Variants in TIAM1 observed in about 807,000 individuals in gnomAD.
TIAM1 encodes the protein TIAM Rac1 associated GEF 1.
Under a neutral mutation model 163.5 loss-of-function variants are expected in TIAM1, and 65 were observed. That is an observed-to-expected ratio of 0.40 (90% CI 0.33 to 0.49). The LOEUF is 0.49. TIAM1 is among the 20% of genes least tolerant of loss of function. The probability of loss-of-function intolerance (pLI) is 0.77; values close to 1 mark genes in which losing one functional copy is unlikely to be tolerated. For missense variants in TIAM1, 1,789 were observed against 2,044.7 expected, an observed-to-expected ratio of 0.87 and a Z score of 2.41; for synonymous variants, 833 against 810.1, an observed-to-expected ratio of 1.03 and a Z score of -0.48.
chr21:31,248,367 C>T (rs1427676358), intron 5 of TIAM1, among the ~76,000 whole-genome samples: 3 of 152,106 alleles, frequency 2.0e-5, no homozygotes, highest in Non-Finnish European at 2.9e-5. Context: ...CAAAGCACCA[C>T]CAAAAGTGAT....
At chr21:31,289,953 T>C (rs969755541) in intron 2 of TIAM1, among the ~76,000 whole-genome samples, 7 of 152,096 alleles carry the variant, frequency 4.6e-5, no homozygotes, top group Non-Finnish European at 1.0e-4. Context: ...TACGAATCAA[T>C]GAGTATACTC....
At chr21:31,158,090 T>A (rs1009868734) in intron 16 of TIAM1, among the ~76,000 whole-genome samples, 6 of 152,216 alleles carry the variant, frequency 3.9e-5, no homozygotes, top group African/African-American at 7.2e-5. Flanking sequence ...ACTTGGTCTA[T>A]GTAAGTTTAC....
At chr21:31,456,368 T>C (rs2045101430) in intron 2 of TIAM1, among the ~76,000 whole-genome samples, 2 of 152,188 alleles carry the variant, frequency 1.3e-5, no homozygotes, top group South Asian at 4.1e-4. Flanking sequence ...ACCAGGTGCG[T>C]GAGGATCAGT....
At chr21:31,452,457 A>G in intron 2 of TIAM1, 1 of 484,576 alleles carries the variant, frequency 2.1e-6, no homozygotes, top group South Asian at 2.2e-5. Flanking sequence ...AAGAAAGGTT[A>G]TAAGCGCCAT....
At chr21:31,460,612 C>T (rs190548855) in intron 2 of TIAM1, among the ~76,000 whole-genome samples, 49 of 152,236 alleles carry the variant, frequency 3.2e-4, no homozygotes, top group South Asian at 1.5e-3. Flanking sequence ...GGCAACAGAG[C>T]GAGACTCTGT....
At chr21:31,426,198 A>G (rs894156122) in intron 2 of TIAM1, among the ~76,000 whole-genome samples, 16 of 152,092 alleles carry the variant, frequency 1.1e-4, no homozygotes, top group Admixed American at 9.2e-4. Flanking sequence ...CTGAGTCCCC[A>G]AAGTCCATTG....
At chr21:31,449,089 C>T (rs1479947354) in intron 2 of TIAM1, among the ~76,000 whole-genome samples, 3 of 152,022 alleles carry the variant, frequency 2.0e-5, no homozygotes, top group Admixed American at 6.6e-5. Flanking sequence ...CTCAGCCTCC[C>T]GAGTAGCTGG....
At chr21:31,297,899 A>C (rs570932060) in intron 2 of TIAM1, among the ~76,000 whole-genome samples, 1 of 152,344 alleles carries the variant, frequency 6.6e-6, no homozygotes, top group South Asian at 2.1e-4. Flanking sequence ...TAGTGCTCAA[A>C]AGGAATACCA....
chr21:31,208,367 A>G (rs1210305337), intron 11 of TIAM1, among the ~76,000 whole-genome samples: 1 of 152,244 alleles, frequency 6.6e-6, no homozygotes, highest in African/African-American at 2.4e-5. Flanking sequence ...AAAAAGCCAG[A>G]AAGTTCTACT....
intron 2 of TIAM1, among the ~76,000 whole-genome samples, chr21:31,313,698 C>G (rs1358594200): frequency 1.3e-5 from 2 of 152,140 alleles, no homozygotes; most frequent in African/African-American, 4.8e-5. Flanking sequence ...CCTCAGCCTC[C>G]CAAGTAACTG....
At position 31,288,413 on chromosome 21, in the gene TIAM1, G is replaced by C. The variant is rs568198337; in HGVS notation, c.-188-11505C>G. The stretch of plus-strand genomic sequence containing the variant: ...CCAGCAGATTCAGCATCTGATGAGG[G>C]CCTGTTCCTCACAGATGGCACCTTC... On this transcript the variant is annotated intron_variant, in intron 2 of 27. Transcript: ENST00000541036. Among the ~76,000 whole-genome samples, 10 of 152,216 alleles carry C rather than the reference G, an allele frequency of 6.6e-5. No individual in the cohort carries two copies. In the South Asian group the frequency reaches 2.1e-3, roughly 32 times the overall value.
chr21:31,267,983 AAG>A (rs778116427), intron 3 of TIAM1, among the ~76,000 whole-genome samples: 2 of 152,208 alleles, frequency 1.3e-5, no homozygotes, highest in Non-Finnish European at 2.9e-5. Flanking sequence ...CACAGTGGGA[AAG>A]AGAAAAATCT....
intron 2 of TIAM1, among the ~76,000 whole-genome samples, chr21:31,459,678 G>C (rs780120199): frequency 1.2e-4 from 18 of 152,140 alleles, no homozygotes; most frequent in Non-Finnish European, 2.5e-4. Flanking sequence ...CAACAGGCTG[G>C]GACTCTGGGA....
intron 2 of TIAM1, among the ~76,000 whole-genome samples, chr21:31,338,466 A>G (rs1050058248): frequency 3.9e-5 from 6 of 152,188 alleles, no homozygotes; most frequent in African/African-American, 1.4e-4. Flanking sequence ...TGAAAAGAAC[A>G]AGAGCAACTT....
At chr21:31,449,923 T>G (rs957786283) in intron 2 of TIAM1, among the ~76,000 whole-genome samples, 4 of 152,152 alleles carry the variant, frequency 2.6e-5, no homozygotes, top group Non-Finnish European at 5.9e-5. Context: ...AGCAAATGCC[T>G]GGCAGGTTGG....
rs558357613 is a variant in TIAM1 at position 31,368,092 on chromosome 21, T to A, written c.-368-28670A>T. On this transcript the variant is annotated intron_variant, in intron 2 of 28. Transcript: ENST00000286827. ...TTCATTTTAAAACATGTTCTCTGAT[T>A]TTAAACTCAGTTATTTATATGATAT... Among the ~76,000 whole-genome samples the A allele has an allele frequency of 7.9e-5, 12 of 152,326 alleles. No homozygotes were observed. In the East Asian group the frequency reaches 1.9e-3, roughly 24 times the overall value.
chr21:31,399,670 G>A (rs1012027082), intron 2 of TIAM1, among the ~76,000 whole-genome samples: 15 of 152,156 alleles, frequency 9.9e-5, no homozygotes, highest in Admixed American at 3.9e-4. Context: ...ACAAAGAGGT[G>A]TTATCTGAAA....
chr21:31,540,565 C>G (rs1381550322), intron 1 of TIAM1, among the ~76,000 whole-genome samples: 1 of 152,154 alleles, frequency 6.6e-6, no homozygotes, highest in East Asian at 1.9e-4. Context: ...ATACGGGGAC[C>G]CCCATCTCTG....
intron 1 of TIAM1, among the ~76,000 whole-genome samples, chr21:31,500,093 A>G (rs2046802182): frequency 6.6e-6 from 1 of 152,158 alleles, no homozygotes; most frequent in Non-Finnish European, 1.5e-5. Context: ...TGAACCCAGG[A>G]GACAGAGGTT....
Sources: gnomAD v4.1 joint callset for allele counts (sites outside exome capture counted in the v4.1 genomes callset) on GRCh38, gnomAD v4.1.1 for gene constraint, MANE v1.5 for transcripts, NCBI Gene and HGNC (gene_info 2026-07-23, HGNC 2026-07-21) for gene names.